HSPA4L: variants seen among roughly 807,000 people sequenced by gnomAD.
HSPA4L encodes the protein heat shock 70 kDa protein 4L.
HSPA4L carries 48 observed loss-of-function variants against 100.3 expected under a neutral mutation model. The ratio of observed to expected loss-of-function variants is 0.48; its 90% CI spans 0.38 to 0.61. The LOEUF (loss-of-function observed/expected upper bound fraction) is 0.61, where lower values mean the gene tolerates loss of function less well. HSPA4L is among the 20% of genes least tolerant of loss of function. The pLI is 0.00. For synonymous variants in HSPA4L, 319 were observed against 328.2 expected (o/e 0.97, Z 0.30); for missense variants, 886 against 988.6 (o/e 0.90, Z 1.39).
chr4:127,818,871 A>G (rs949680272), intron 13 of HSPA4L, among the ~76,000 whole-genome samples: 2 of 151,886 alleles, frequency 1.3e-5, no homozygotes, highest in African/African-American at 4.8e-5. Flanking sequence ...TGTGCCCTTG[A>G]ACTTAAAAGT....
chr4:127,820,625 G>A, intron 14 of HSPA4L, 60 bp downstream of exon 14: 1 of 1,522,298 alleles, frequency 6.6e-7, no homozygotes, highest in Non-Finnish European at 8.9e-7. Context: ...TTTTGTAGAA[G>A]TCAATGATTA....
chr4:127,802,556 T>G (rs1026881474), intron 6 of HSPA4L, among the ~76,000 whole-genome samples: 8 of 152,216 alleles, frequency 5.3e-5, no homozygotes, highest in Admixed American at 2.6e-4. Context: ...ATTTTCAGTA[T>G]AGATTGACTT....
chr4:127,792,630 G>T (rs2148778062), intron 1 of HSPA4L, among the ~76,000 whole-genome samples: 1 of 152,258 alleles, frequency 6.6e-6, no homozygotes, highest in South Asian at 2.1e-4. Context: ...GCAGATCAAG[G>T]CAGTGGATAC....
chr4:127,826,258 AG>A (rs1371980316), intron 16 of HSPA4L, among the ~76,000 whole-genome samples: 1 of 152,130 alleles, frequency 6.6e-6, no homozygotes, highest in Non-Finnish European at 1.5e-5. Context: ...AAAATAAATT[AG>A]CCAGGCACAG....
intron 1 of HSPA4L, among the ~76,000 whole-genome samples, chr4:127,783,142 C>A (rs1158251672): frequency 6.6e-6 from 1 of 151,522 alleles, no homozygotes; most frequent in Non-Finnish European, 1.5e-5. Context: ...CGGCTGCACA[C>A]GTCAGAGATG....
intron 1 of HSPA4L, among the ~76,000 whole-genome samples, chr4:127,789,176 A>G (rs1023644484): frequency 1.2e-4 from 18 of 152,234 alleles, no homozygotes; most frequent in Non-Finnish European, 2.9e-5. Flanking sequence ...GAAAATACAG[A>G]TACAGCTTTC....
chr4:127,831,152 T>C (rs1431773838), intron 18 of HSPA4L, among the ~76,000 whole-genome samples: 1 of 152,088 alleles, frequency 6.6e-6, no homozygotes, highest in Non-Finnish European at 1.5e-5. Flanking sequence ...GCGTATAAAC[T>C]TCCATGGTAA....
At chr4:127,782,844 C>T (rs1171533081) in intron 1 of HSPA4L, among the ~76,000 whole-genome samples, 187 bp downstream of exon 1, 2 of 152,096 alleles carry the variant, frequency 1.3e-5, no homozygotes, top group East Asian at 3.9e-4. Flanking sequence ...TTCCTCGCCC[C>T]GCAAAGCTTC....
At chr4:127,801,021 T>C (rs17012654) in intron 4 of HSPA4L, 117 bp from the exon 5 acceptor site, 21,320 of 641,222 alleles carry the variant, frequency 0.033, 1,715 homozygotes, top group East Asian at 0.3. Context: ...TTTTCCTCTT[T>C]AGTTAGAACA....
Position 127,818,378 on chromosome 4 carries a change from C to T in HSPA4L, c.1632C>T (p.His544=). The change falls in exon 13 of 19, where the codon CAC becomes CAT. Residue 544 remains histidine, a synonymous_variant. Coordinates refer to ENST00000296464, the MANE Select transcript of HSPA4L (RefSeq NM_014278.4). ...GGCATCAAAAATGTCATGCTGAACA[C>T]ACTCCAGAAGAGGAAATTGATCATA... is the stretch of plus-strand genomic sequence containing the variant. ...EEGHQKCHAE[H]TPEEEIDHTG... is the part of the protein sequence containing the mutation. 6.2e-7 allele frequency: 1 copy of T among 1,612,108 alleles called. No homozygotes were observed. The highest frequency in any genetic ancestry group is 8.5e-7 in the Non-Finnish European group (1 of 1,178,814).
chr4:127,815,223 G>A (rs1017622286), intron 12 of HSPA4L, among the ~76,000 whole-genome samples: 16 of 151,624 alleles, frequency 1.1e-4, no homozygotes, highest in Admixed American at 5.3e-4. Flanking sequence ...TGATTTTCCC[G>A]AAAAATCACA....
intron 16 of HSPA4L, among the ~76,000 whole-genome samples, chr4:127,826,825 A>C (rs998484667): frequency 5.3e-5 from 8 of 152,176 alleles, no homozygotes; most frequent in Middle Eastern, 3.2e-3. Context: ...AAAAACCTAC[A>C]TATACTACAG....
intron 3 of HSPA4L, among the ~76,000 whole-genome samples, chr4:127,797,100 A>G (rs1488080619): frequency 2.6e-5 from 4 of 152,192 alleles, no homozygotes; most frequent in Non-Finnish European, 5.9e-5. Context: ...AGGCTGTTAA[A>G]ATAGTTGAGG....
intron 12 of HSPA4L, among the ~76,000 whole-genome samples, chr4:127,816,525 C>T (rs1406276245): frequency 6.6e-6 from 1 of 152,008 alleles, no homozygotes; most frequent in Non-Finnish European, 1.5e-5. Flanking sequence ...TAGTTGGCAA[C>T]CTCTTGACAT....
intron 12 of HSPA4L, among the ~76,000 whole-genome samples, chr4:127,817,832 G>A (rs1343826248): frequency 1.3e-5 from 2 of 151,902 alleles, no homozygotes; most frequent in African/African-American, 2.4e-5. Flanking sequence ...TTCATATCAA[G>A]TTGAATGTTC....
At chr4:127,826,140 A>C (rs577987375) in intron 16 of HSPA4L, among the ~76,000 whole-genome samples, 36 of 152,192 alleles carry the variant, frequency 2.4e-4, no homozygotes, top group Admixed American at 1.4e-3. Context: ...GGAGCAGTGA[A>C]TCACACCTGT....
chr4:127,802,374 C>T (rs112445029), intron 6 of HSPA4L, among the ~76,000 whole-genome samples: 75 of 152,246 alleles, frequency 4.9e-4, no homozygotes, highest in African/African-American at 1.6e-3. Flanking sequence ...ATCATTTTTA[C>T]ATTGATTCTT....
chr4:127,801,701 TTAAAG>T, intron 5 of HSPA4L, 79 bp from the exon 6 acceptor site: 1 of 1,119,568 alleles, frequency 8.9e-7, no homozygotes, highest in Non-Finnish European at 1.3e-6. Context: ...ATACTGCATA[TTAAAG>T]TACAGTATCA....
intron 11 of HSPA4L, chr4:127,809,502 G>C: frequency 1.0e-6 from 1 of 959,010 alleles, no homozygotes; most frequent in Admixed American, 1.7e-5. Flanking sequence ...ATGGAAAAGA[G>C]ACTTTGTAAT....
Sources: allele counts gnomAD v4.1 joint callset (sites outside exome capture counted in the v4.1 genomes callset), GRCh38; gene constraint gnomAD v4.1.1; transcripts MANE v1.5; gene names NCBI Gene and HGNC (gene_info 2026-07-23, HGNC 2026-07-21).